Variants in LAMA2 observed in about 807,000 individuals in gnomAD.
The protein encoded by LAMA2 is laminin subunit alpha 2, also known as laminin subunit alpha-2.
LAMA2 carries 269 observed loss-of-function variants against 364.8 expected under a neutral mutation model. That is an observed-to-expected ratio of 0.74 (90% CI 0.67 to 0.82). The LOEUF (loss-of-function observed/expected upper bound fraction) is 0.82, where lower values mean the gene tolerates loss of function less well. Ranked by LOEUF, LAMA2 falls within the 40% of genes least tolerant of loss-of-function variation. LAMA2 has a pLI of 0.00. For missense variants in LAMA2, 3,807 were observed against 3,873.2 expected (o/e 0.98, Z 0.45); for synonymous variants, 1,379 against 1,370.6 (o/e 1.01, Z -0.14).
chr6:129,477,773 C>CTGTT (rs1039113720), intron 53 of LAMA2, among the ~76,000 whole-genome samples: 12 of 151,744 alleles, frequency 7.9e-5, no homozygotes, highest in African/African-American at 2.9e-4. Context: ...CTAAATTAAT[C>CTGTT]TGTTAAAAAA....
chr6:129,067,896 C>G (rs1773040705), intron 3 of LAMA2, among the ~76,000 whole-genome samples: 1 of 152,204 alleles, frequency 6.6e-6, no homozygotes, highest in Non-Finnish European at 1.5e-5. Context: ...CTTGACAACT[C>G]TATTTAAAAT....
intron 1 of LAMA2, among the ~76,000 whole-genome samples, chr6:128,964,520 C>G (rs1781725097): frequency 6.6e-6 from 1 of 151,984 alleles, no homozygotes; most frequent in Admixed American, 6.6e-5. Flanking sequence ...GACAGAATAT[C>G]TACAATGTTT....
chr6:128,997,422 TAGAGTGAAGTA>T (rs1411754323), intron 1 of LAMA2, among the ~76,000 whole-genome samples: 1 of 151,806 alleles, frequency 6.6e-6, no homozygotes, highest in Non-Finnish European at 1.5e-5. Flanking sequence ...CCAATGTGAC[TAGAGTGAAGTA>T]AGAGAGGGGA....
intron 3 of LAMA2, among the ~76,000 whole-genome samples, chr6:129,092,612 G>A (rs1014795808): frequency 5.3e-5 from 8 of 152,194 alleles, no homozygotes; most frequent in African/African-American, 1.9e-4. Context: ...TAGAAGTGAA[G>A]CATTTTCGTT....
intron 1 of LAMA2, among the ~76,000 whole-genome samples, chr6:129,018,386 TTAAA>T (rs1359054498): frequency 9.9e-5 from 15 of 151,888 alleles, no homozygotes; most frequent in Non-Finnish European, 2.2e-4. Flanking sequence ...AACTCAGGTC[TTAAA>T]TAAAAAGGAA....
chr6:129,453,025 G>C lies in LAMA2; in HGVS notation c.6467G>C (p.Arg2156Pro), dbSNP rs749496614. 5.0e-6 allele frequency: 8 copies of C among 1,612,588 alleles called. No homozygotes were observed. The highest frequency in any genetic ancestry group is 6.8e-6 in the Non-Finnish European group (8 of 1,179,226). ...GTGTCTTCAGGAGGTGACTGCATTC[G>C]AACATACAAACCAGAAATCAAGAAA... ...VSVSSGGDCI[R>P]TYKPEIKKGS... is the part of the protein sequence containing the mutation. The change falls in exon 46 of 65, where the codon CGA becomes CCA. Residue 2156 changes from arginine (R) to proline (P), a missense_variant. Around this residue, in one of 3 missense-constraint regions of LAMA2, gnomAD observed 3,333 missense variants for 3,345.7 expected, o/e 1.00. Coordinates refer to ENST00000421865, the MANE Select transcript of LAMA2 (RefSeq NM_000426.4).
At chr6:129,423,454 C>T (rs2114733243) in intron 40 of LAMA2, among the ~76,000 whole-genome samples, 1 of 152,068 alleles carries the variant, frequency 6.6e-6, no homozygotes, top group Middle Eastern at 3.4e-3. Context: ...CTTTAGGAGG[C>T]TGAGGCAGGT....
At chr6:129,375,533 CT>C (rs1359480860) in intron 34 of LAMA2, among the ~76,000 whole-genome samples, 2 of 152,184 alleles carry the variant, frequency 1.3e-5, no homozygotes, top group African/African-American at 4.8e-5. Context: ...ATTAATTTTA[CT>C]TGAAATCTCT....
intron 1 of LAMA2, among the ~76,000 whole-genome samples, chr6:128,922,381 C>G (rs1230108240): frequency 2.0e-5 from 3 of 151,670 alleles, no homozygotes; most frequent in Non-Finnish European, 2.9e-5. Context: ...TGTTTCCTGA[C>G]TTTTTAATGA....
Position 129,186,787 on chromosome 6 carries a change from G to A in LAMA2, c.1468-3418G>A, listed in dbSNP as rs1386707118. Among the ~76,000 whole-genome samples, 5 of 151,634 alleles carry A rather than the reference G, an allele frequency of 3.3e-5. No homozygotes were observed. In the East Asian group the frequency reaches 9.7e-4, roughly 29 times the overall value. On this transcript the variant is annotated intron_variant, in intron 10 of 64. Coordinates refer to ENST00000421865, the MANE Select transcript of LAMA2 (RefSeq NM_000426.4). ...TAATTATCTGAAGTCCGCCTCATCA[G>A]AAAGTACATAGGGAAACTATCGTGA...
chr6:129,280,073 G>A lies in LAMA2; in HGVS notation c.2463G>A (p.Thr821=), dbSNP rs761420475. 1.5e-5 allele frequency: 24 copies of A among 1,612,532 alleles called. No individual in the cohort carries two copies. Among genetic ancestry groups the A allele is most frequent in the Middle Eastern group, 1.6e-4 (1 of 6,074 alleles). The change falls in exon 18 of 65, where the codon ACG becomes ACA. Residue 821 remains threonine, a synonymous_variant. Coordinates refer to ENST00000421865, the MANE Select transcript of LAMA2 (RefSeq NM_000426.4). ...AACATCAACATAGCTTTAGCCCAAC[G>A]TGCCATTTAGACCGGAGTCTTGGAT... ...LNIPSNNFSP[T]CHLDRSLGLI... is the part of the protein sequence containing the mutation.
intron 4 of LAMA2, among the ~76,000 whole-genome samples, chr6:129,108,597 A>G (rs993683303): frequency 6.6e-6 from 1 of 151,806 alleles, no homozygotes; most frequent in African/African-American, 2.4e-5. Flanking sequence ...CCTCCCTTTC[A>G]GCTGTTCTTA....
At chr6:129,057,963 A>G (rs924248651) in intron 2 of LAMA2, among the ~76,000 whole-genome samples, 1 of 152,196 alleles carries the variant, frequency 6.6e-6, no homozygotes, top group Non-Finnish European at 1.5e-5. Context: ...AATTCTCAAG[A>G]CTGACACCCC....
chr6:129,099,410 A>G (rs1474306561), intron 4 of LAMA2, among the ~76,000 whole-genome samples: 2 of 151,768 alleles, frequency 1.3e-5, no homozygotes, highest in African/African-American at 4.8e-5. Context: ...CAAATACCCA[A>G]ACTTTGACTT....
intron 41 of LAMA2, among the ~76,000 whole-genome samples, chr6:129,430,882 A>AT (rs1195278299): frequency 6.6e-6 from 1 of 151,888 alleles, no homozygotes; most frequent in East Asian, 1.9e-4. Flanking sequence ...ATTTAAAATA[A>AT]TTTTTTTCAG....
intron 28 of LAMA2, among the ~76,000 whole-genome samples, chr6:129,326,467 G>A (rs933971663): frequency 6.6e-6 from 1 of 152,008 alleles, no homozygotes; most frequent in African/African-American, 2.4e-5. Context: ...ATTCCTCGAT[G>A]AGGAGTATTA....
chr6:129,168,568 A>C (rs1374917347), intron 9 of LAMA2, among the ~76,000 whole-genome samples: 29 of 146,052 alleles, frequency 2.0e-4, no homozygotes, highest in African/African-American at 3.0e-4. Flanking sequence ...GTTACTGTAG[A>C]CTTGTAGTAT....
intron 12 of LAMA2, among the ~76,000 whole-genome samples, chr6:129,213,800 T>A (rs1228678607): frequency 6.6e-6 from 1 of 152,168 alleles, no homozygotes; most frequent in Non-Finnish European, 1.5e-5. Context: ...TTCTTGCAAA[T>A]GGTAGTTTCT....
At chr6:129,225,583 C>T (rs564445416) in intron 12 of LAMA2, among the ~76,000 whole-genome samples, 9 of 152,284 alleles carry the variant, frequency 5.9e-5, no homozygotes, top group African/African-American at 1.7e-4. Context: ...GCCTTCATTT[C>T]GTTATATACC....
Sources: gnomAD v4.1 joint callset for allele counts (sites outside exome capture counted in the v4.1 genomes callset) on GRCh38, gnomAD v4.1.1 for gene constraint, gnomAD v4.1.1 regional missense constraint, MANE v1.5 for transcripts, NCBI Gene and HGNC (gene_info 2026-07-23, HGNC 2026-07-21) for gene names.